The following ERC2 variants were observed in gnomAD, a reference collection of about 807,000 sequenced individuals.
ERC2 encodes the protein ERC protein 2.
Under a neutral mutation model 114.8 loss-of-function variants are expected in ERC2, and 42 were observed. That is an observed-to-expected ratio of 0.37 (90% CI 0.29 to 0.47). ERC2 has a LOEUF of 0.47. Among genes scored for constraint, ERC2 ranks in the 20% least tolerant of loss-of-function variants. The pLI is 0.99. For synonymous variants in ERC2, 454 were observed against 425.5 expected (o/e 1.07, Z -0.82); for missense variants, 939 against 1,150.7 (o/e 0.82, Z 2.66).
At chr3:56,011,140 A>C (rs1397162399) in intron 8 of ERC2, among the ~76,000 whole-genome samples, 1 of 152,234 alleles carries the variant, frequency 6.6e-6, no homozygotes, top group African/African-American at 2.4e-5. Context: ...GAATCAGTCC[A>C]TTGTGTATGT....
chr3:55,866,669 T>C (rs1384809553), intron 14 of ERC2, among the ~76,000 whole-genome samples: 1 of 152,208 alleles, frequency 6.6e-6, no homozygotes, highest in African/African-American at 2.4e-5. Context: ...TGTACATAGC[T>C]TAGAGTTTTA....
chr3:55,986,510 T>C (rs747306706), intron 11 of ERC2, among the ~76,000 whole-genome samples: 1 of 152,204 alleles, frequency 6.6e-6, no homozygotes, highest in African/African-American at 2.4e-5. Flanking sequence ...CTGAGCAATT[T>C]GGCTTTCGGT....
intron 3 of ERC2, among the ~76,000 whole-genome samples, chr3:56,289,595 A>C (rs998798071): frequency 7.9e-5 from 12 of 152,060 alleles, no homozygotes; most frequent in African/African-American, 2.4e-4. Context: ...AGCTGCTCCA[A>C]ACTCACCGTG....
chr3:55,717,953 T>C (rs1489665387), intron 15 of ERC2, among the ~76,000 whole-genome samples: 1 of 152,174 alleles, frequency 6.6e-6, no homozygotes, highest in East Asian at 1.9e-4. Context: ...GGCTTTGTGC[T>C]CAGTGCACAG....
At chr3:55,567,682 G>A (rs1370271269) in intron 17 of ERC2, among the ~76,000 whole-genome samples, 3 of 152,042 alleles carry the variant, frequency 2.0e-5, no homozygotes, top group Non-Finnish European at 4.4e-5. Flanking sequence ...GGTTTTTCAG[G>A]AGGAGGACTG....
At chr3:55,893,254 C>T (rs1041242842) in intron 13 of ERC2, among the ~76,000 whole-genome samples, 2 of 152,100 alleles carry the variant, frequency 1.3e-5, no homozygotes, top group African/African-American at 4.8e-5. Context: ...AACTTATTCC[C>T]CTGTTTATTT....
At chr3:56,342,766 G>A (rs959853454) in intron 2 of ERC2, among the ~76,000 whole-genome samples, 2 of 152,148 alleles carry the variant, frequency 1.3e-5, no homozygotes. Context: ...TTTAATTGAA[G>A]AAAGAGGAAT....
chr3:55,683,865 G>T lies in ERC2; in HGVS notation c.2848-6C>A. ...CATATGCCCTCCTCGTCATCCTGCGGCCGGCCCGAGGTGGGGAGGTGCACA... is the reference window on the plus strand; with the variant it reads ...CATATGCCCTCCTCGTCATCCTGCGTCCGGCCCGAGGTGGGGAGGTGCACA... On this transcript the variant is annotated splice_region_variant and splice_polypyrimidine_tract_variant and intron_variant, in intron 16 of 17. Coordinates refer to ENST00000288221, the MANE Select transcript of ERC2 (RefSeq NM_015576.3). 6.2e-7 allele frequency: 1 copy of T among 1,612,448 alleles called. No individual in the cohort carries two copies. The highest frequency in any genetic ancestry group is 8.5e-7 in the Non-Finnish European group (1 of 1,179,290).
intron 1 of ERC2, among the ~76,000 whole-genome samples, chr3:56,456,756 A>G (rs1482253881): frequency 6.6e-6 from 1 of 152,240 alleles, no homozygotes; most frequent in African/African-American, 2.4e-5. Flanking sequence ...AATTAATGAC[A>G]AAATTCAAGA....
At chr3:55,677,832 C>A (rs923256348) in intron 17 of ERC2, among the ~76,000 whole-genome samples, 7 of 152,144 alleles carry the variant, frequency 4.6e-5, no homozygotes, top group African/African-American at 1.7e-4. Flanking sequence ...AGGGGATTTG[C>A]AGAGCCTCCA....
intron 3 of ERC2, among the ~76,000 whole-genome samples, chr3:56,176,781 C>A (rs140265873): frequency 7.8e-4 from 118 of 152,256 alleles, no homozygotes; most frequent in African/African-American, 2.6e-3. Flanking sequence ...TGGTAGAGGA[C>A]CAGTTGCCCA....
intron 7 of ERC2, among the ~76,000 whole-genome samples, chr3:56,043,316 G>C (rs2075292657): frequency 6.6e-6 from 1 of 152,078 alleles, no homozygotes; most frequent in Non-Finnish European, 1.5e-5. Context: ...TGTGGCAAAA[G>C]TACATTTGCA....
intron 13 of ERC2, among the ~76,000 whole-genome samples, chr3:55,929,530 C>T (rs567665685): frequency 1.3e-5 from 2 of 152,112 alleles, no homozygotes; most frequent in African/African-American, 4.8e-5. Flanking sequence ...AGCTTGCTTT[C>T]AAATAAGGAA....
intron 2 of ERC2, among the ~76,000 whole-genome samples, chr3:56,385,477 G>T (rs558251754): frequency 6.6e-6 from 1 of 152,234 alleles, no homozygotes; most frequent in South Asian, 2.1e-4. Context: ...CAGCATTAAT[G>T]ATTTCCCCAA....
rs146894919 is a variant in ERC2 at position 55,793,592 on chromosome 3, T to C, written c.2565-58674A>G. 6.0e-3 allele frequency among the ~76,000 whole-genome samples: 912 copies of C among 152,300 alleles called. 14 individuals are homozygous for C. Among genetic ancestry groups the C allele is most frequent in the African/African-American group, 0.021 (862 of 41,570 alleles). On this transcript the variant is annotated intron_variant, in intron 14 of 17. Coordinates refer to ENST00000288221, the MANE Select transcript of ERC2 (RefSeq NM_015576.3). ...CACAACTCATGTTATTTTGACATAT[T>C]GATGATATAAATATAATAGCAGATT... is the stretch of plus-strand genomic sequence containing the variant.
At chr3:56,155,387 A>C (rs1346810484) in intron 4 of ERC2, among the ~76,000 whole-genome samples, 1 of 151,896 alleles carries the variant, frequency 6.6e-6, no homozygotes, top group African/African-American at 2.4e-5. Flanking sequence ...AAAGAAAATA[A>C]CCGCATGACT....
intron 14 of ERC2, among the ~76,000 whole-genome samples, chr3:55,864,247 A>ATG (rs2062192197): frequency 6.7e-6 from 1 of 148,354 alleles, no homozygotes; most frequent in East Asian, 2.0e-4. Context: ...GTGTGTATAT[A>ATG]TGTATATATA....
At chr3:55,824,824 T>C (rs1244572593) in intron 14 of ERC2, among the ~76,000 whole-genome samples, 1 of 152,206 alleles carries the variant, frequency 6.6e-6, no homozygotes, top group Non-Finnish European at 1.5e-5. Flanking sequence ...CGTTCTAAAT[T>C]TAAATGAACA....
intron 7 of ERC2, among the ~76,000 whole-genome samples, chr3:56,022,973 G>A (rs2073820137): frequency 6.6e-6 from 1 of 152,184 alleles, no homozygotes; most frequent in African/African-American, 2.4e-5. Context: ...GGAGAGCTCA[G>A]ACCCTGGAGG....
Sources: gnomAD v4.1 joint callset for allele counts (sites outside exome capture counted in the v4.1 genomes callset) on GRCh38, gnomAD v4.1.1 for gene constraint, MANE v1.5 for transcripts, NCBI Gene and HGNC (gene_info 2026-07-23, HGNC 2026-07-21) for gene names.